DACH1: variants seen among roughly 807,000 people sequenced by gnomAD.
DACH1 encodes dachshund homolog 1.
Under a neutral mutation model 54.2 loss-of-function variants are expected in DACH1, and 12 were observed. The observed-to-expected ratio is 0.22, with a 90% CI of 0.14 to 0.36. The LOEUF is 0.36. Ranked by LOEUF, DACH1 falls within the 10% of genes least tolerant of loss-of-function variation. The pLI, the probability that DACH1 is intolerant of heterozygous loss-of-function variation, is 1.00. For synonymous variants in DACH1, 386 were observed against 366.2 expected, an observed-to-expected ratio of 1.05 and a Z score of -0.62; for missense variants, 805 against 929.8, an observed-to-expected ratio of 0.87 and a Z score of 1.75.
chr13:71,647,594 G>A (rs760026679), intron 2 of DACH1, among the ~76,000 whole-genome samples: 28 of 152,096 alleles, frequency 1.8e-4, no homozygotes, highest in Non-Finnish European at 3.5e-4. Flanking sequence ...ATCTGATCAT[G>A]CCCAACCAAT....
intron 1 of DACH1, among the ~76,000 whole-genome samples, chr13:71,811,344 T>C (rs1034954004): frequency 1.3e-5 from 2 of 152,152 alleles, no homozygotes; most frequent in Non-Finnish European, 2.9e-5. Context: ...AAATGTATGT[T>C]CCATATTACA....
chr13:71,457,789 T>C (rs1038514646), intron 10 of DACH1, among the ~76,000 whole-genome samples: 2 of 151,988 alleles, frequency 1.3e-5, no homozygotes, highest in Admixed American at 6.6e-5. Flanking sequence ...AAGAGATTTT[T>C]GTCAGCTTCA....
intron 1 of DACH1, among the ~76,000 whole-genome samples, chr13:71,703,413 G>T (rs942693112): frequency 6.6e-6 from 1 of 152,110 alleles, no homozygotes. Flanking sequence ...CTATGAGAGC[G>T]CATGGGTCAG....
intron 6 of DACH1, among the ~76,000 whole-genome samples, chr13:71,538,629 A>T: frequency 6.6e-6 from 1 of 152,092 alleles, no homozygotes; most frequent in Non-Finnish European, 1.5e-5. Flanking sequence ...CCTTCACATG[A>T]ATTCTCCAGG....
intron 2 of DACH1, among the ~76,000 whole-genome samples, chr13:71,648,649 T>C (rs777572501): frequency 3.4e-4 from 52 of 152,310 alleles, no homozygotes; most frequent in Admixed American, 1.8e-3. Flanking sequence ...AGTCGTTAGA[T>C]AGATGGCTTC....
intron 1 of DACH1, among the ~76,000 whole-genome samples, chr13:71,770,403 T>A (rs755556185): frequency 6.6e-6 from 1 of 151,668 alleles, no homozygotes; most frequent in Non-Finnish European, 1.5e-5. Context: ...TTAAAAATTA[T>A]CCTATTATAC....
chr13:71,636,476 C>T (rs1022512032), intron 2 of DACH1, among the ~76,000 whole-genome samples: 4 of 151,556 alleles, frequency 2.6e-5, no homozygotes, highest in Non-Finnish European at 5.9e-5. Flanking sequence ...CTTTATAATT[C>T]CTTCATCAGT....
At chr13:71,725,541 A>AT (rs1650765330) in intron 1 of DACH1, among the ~76,000 whole-genome samples, 1 of 152,002 alleles carries the variant, frequency 6.6e-6, no homozygotes, top group African/African-American at 2.4e-5. Context: ...CTAAATCTTG[A>AT]TTTTTTGCTA....
At chr13:71,708,944 C>T (rs1594122058) in intron 1 of DACH1, among the ~76,000 whole-genome samples, 1 of 151,202 alleles carries the variant, frequency 6.6e-6, no homozygotes, top group East Asian at 2.0e-4. Flanking sequence ...GCTCAGCCTC[C>T]CGGGTTCACG....
At chr13:71,583,024 G>T (rs558340146) in intron 3 of DACH1, among the ~76,000 whole-genome samples, 1 of 152,158 alleles carries the variant, frequency 6.6e-6, no homozygotes, top group Non-Finnish European at 1.5e-5. Flanking sequence ...AAGAAAGAGG[G>T]TTAAAAACTA....
intron 3 of DACH1, among the ~76,000 whole-genome samples, chr13:71,608,026 AATTAGGCAT>A (rs1392259396): frequency 6.6e-6 from 1 of 151,562 alleles, no homozygotes; most frequent in Non-Finnish European, 1.5e-5. Context: ...GTAGATTATG[AATTAGGCAT>A]ATTAGTAATA....
chr13:71,645,400 G>A (rs1401487200), intron 2 of DACH1, among the ~76,000 whole-genome samples: 2 of 152,186 alleles, frequency 1.3e-5, no homozygotes, highest in African/African-American at 2.4e-5. Context: ...AATAGCAAGA[G>A]TGGTCATGGT....
At chr13:71,851,150 T>C (rs1873633434) in intron 1 of DACH1, among the ~76,000 whole-genome samples, 1 of 152,224 alleles carries the variant, frequency 6.6e-6, no homozygotes, top group African/African-American at 2.4e-5. Flanking sequence ...GAGTTCTTAT[T>C]CTCATCAGAC....
intron 2 of DACH1, chr13:71,675,115 A>G (rs1241649486): frequency 5.1e-6 from 8 of 1,581,444 alleles, no homozygotes; most frequent in Non-Finnish European, 7.0e-6. Flanking sequence ...TAAAGCACCC[A>G]GGAAGTAACT....
chr13:71,851,829 T>C (rs1873687476), intron 1 of DACH1, among the ~76,000 whole-genome samples: 1 of 152,206 alleles, frequency 6.6e-6, no homozygotes, highest in South Asian at 2.1e-4. Flanking sequence ...CATCTGAAAC[T>C]TGGGACTACT....
intron 6 of DACH1, among the ~76,000 whole-genome samples, chr13:71,499,112 CACACACACACACACACACACGCAG>C (rs896480434): frequency 1.3e-4 from 8 of 63,684 alleles, no homozygotes; most frequent in African/African-American, 3.6e-4. Flanking sequence ...CGAGCACGCG[CACACACACACACACACACACGCAG>C]ACACACACAC....
intron 8 of DACH1, among the ~76,000 whole-genome samples, chr13:71,478,414 A>C (rs1360831324): frequency 6.6e-6 from 1 of 152,224 alleles, no homozygotes; most frequent in Non-Finnish European, 1.5e-5. Flanking sequence ...CATATAAAGG[A>C]AAATAATGTG....
At chr13:71,810,288 T>C (rs752559519) in intron 1 of DACH1, among the ~76,000 whole-genome samples, 20 of 152,278 alleles carry the variant, frequency 1.3e-4, no homozygotes, top group Middle Eastern at 3.4e-3. Context: ...AAGAGTTGAA[T>C]TCAGGTTTAT....
At chr13:71,734,856 C>A (rs1275648935) in intron 1 of DACH1, among the ~76,000 whole-genome samples, 1 of 139,342 alleles carries the variant, frequency 7.2e-6, no homozygotes, top group Non-Finnish European at 1.5e-5. Flanking sequence ...TATGTATATC[C>A]CATATACGTA....
Sources: gnomAD v4.1 joint callset for allele counts (sites outside exome capture counted in the v4.1 genomes callset) on GRCh38, gnomAD v4.1.1 for gene constraint, MANE v1.5 for transcripts, NCBI Gene and HGNC (gene_info 2026-07-23, HGNC 2026-07-21) for gene names.